The following CACNB2 variants were observed in gnomAD, a reference collection of about 807,000 sequenced individuals.
The protein encoded by CACNB2 is voltage-dependent L-type calcium channel subunit beta-2.
Under a neutral mutation model 73.3 loss-of-function variants are expected in CACNB2, and 42 were observed. The observed-to-expected ratio is 0.57, with a 90% CI of 0.45 to 0.74. The LOEUF (loss-of-function observed/expected upper bound fraction) is 0.74, where lower values mean the gene tolerates loss of function less well. CACNB2 is among the 30% of genes least tolerant of loss of function. The pLI is 0.00. For missense variants in CACNB2, 940 were observed against 853.0 expected (o/e 1.10, Z -1.27); for synonymous variants, 348 against 310.3 (o/e 1.12, Z -1.28).
intron 2 of CACNB2, among the ~76,000 whole-genome samples, chr10:18,296,139 G>A (rs191913152): frequency 6.6e-6 from 1 of 150,890 alleles, no homozygotes; most frequent in Non-Finnish European, 1.5e-5. Context: ...TGATATGCAG[G>A]TTTCACTGCA....
At chr10:18,534,039 A>G (rs2053318621) in intron 10 of CACNB2, 37 bp from the exon 11 acceptor site, 3 of 1,611,114 alleles carry the variant, frequency 1.9e-6, no homozygotes, top group Non-Finnish European at 2.5e-6. Context: ...TATCTTAAAA[A>G]TACTGCACTT....
rs1246180571 is a variant in CACNB2 at position 18,341,013 on chromosome 10, G to A, written c.214-60911G>A. On this transcript the variant is annotated intron_variant, in intron 2 of 13. Coordinates refer to ENST00000324631, the MANE Select transcript of CACNB2 (RefSeq NM_201596.3). ...GGGAGAGAAGCCGGCCAGATGCACGGTGCGGTTTAAAGAAAACAGGAATGC... is the reference window on the plus strand; with the variant it reads ...GGGAGAGAAGCCGGCCAGATGCACGATGCGGTTTAAAGAAAACAGGAATGC... The A allele has an allele frequency of 2.5e-6, 4 of 1,607,550 alleles. No homozygotes were observed. The Admixed American group carries it at 6.7e-5, about 27-fold the overall frequency.
At chr10:18,276,499 A>G (rs1406396402) in intron 2 of CACNB2, among the ~76,000 whole-genome samples, 1 of 152,186 alleles carries the variant, frequency 6.6e-6, no homozygotes, top group African/African-American at 2.4e-5. Flanking sequence ...AGATTACCAT[A>G]TGAGAATTAA....
intron 2 of CACNB2, among the ~76,000 whole-genome samples, chr10:18,395,049 G>A (rs1244133008): frequency 6.6e-6 from 1 of 152,182 alleles, no homozygotes; most frequent in Non-Finnish European, 1.5e-5. Flanking sequence ...TGTTGATGGA[G>A]TCTCACATGT....
intron 3 of CACNB2, among the ~76,000 whole-genome samples, chr10:18,446,511 G>C (rs1467320394): frequency 6.6e-6 from 1 of 152,118 alleles, no homozygotes; most frequent in Admixed American, 6.5e-5. Flanking sequence ...AATCAATGAG[G>C]CTGGACAAAT....
chr10:18,199,837 C>T (rs190716394), intron 2 of CACNB2, among the ~76,000 whole-genome samples: 40 of 152,022 alleles, frequency 2.6e-4, no homozygotes, highest in Non-Finnish European at 2.8e-4. Flanking sequence ...GTGATGGTAG[C>T]TTGGTCTAGA....
chr10:18,321,108 G>A (rs1461277100), intron 2 of CACNB2, among the ~76,000 whole-genome samples: 2 of 152,176 alleles, frequency 1.3e-5, no homozygotes, highest in Non-Finnish European at 1.5e-5. Flanking sequence ...ACAGAGAATT[G>A]AGAAAGCAGA....
chr10:18,168,640 G>A (rs1338687241), intron 2 of CACNB2, among the ~76,000 whole-genome samples: 2 of 151,956 alleles, frequency 1.3e-5, no homozygotes, highest in Non-Finnish European at 2.9e-5. Flanking sequence ...CATCCATTTT[G>A]TCCATTAAAT....
chr10:18,519,636 T>C (rs983204838), intron 9 of CACNB2: 1 of 447,600 alleles, frequency 2.2e-6, no homozygotes, highest in African/African-American at 2.0e-5. Flanking sequence ...GGAAACTCCA[T>C]CACCATGTAA....
At chr10:18,341,495 G>A (rs577705892) in intron 2 of CACNB2, among the ~76,000 whole-genome samples, 1 of 152,260 alleles carries the variant, frequency 6.6e-6, no homozygotes, top group East Asian at 1.9e-4. Flanking sequence ...TTTGCCACAC[G>A]AGGACTGACT....
chr10:18,411,563 T>C (rs1174202697), intron 3 of CACNB2, among the ~76,000 whole-genome samples: 2 of 149,180 alleles, frequency 1.3e-5, no homozygotes, highest in Non-Finnish European at 3.0e-5. Flanking sequence ...GGCTGGAGTG[T>C]AGTGCCACCA....
chr10:18,334,288 A>C (rs1452876100), intron 2 of CACNB2, among the ~76,000 whole-genome samples: 1 of 152,114 alleles, frequency 6.6e-6, no homozygotes, highest in African/African-American at 2.4e-5. Flanking sequence ...CTGCAATCTG[A>C]CACCCAGCTA....
chr10:18,361,744 C>T (rs925725952), intron 2 of CACNB2, among the ~76,000 whole-genome samples: 3 of 151,456 alleles, frequency 2.0e-5, no homozygotes, highest in Admixed American at 6.6e-5. Context: ...TCCTGAATAG[C>T]GGGGATTACA....
intron 2 of CACNB2, among the ~76,000 whole-genome samples, chr10:18,211,145 A>C (rs1194197582): frequency 6.6e-6 from 1 of 152,146 alleles, no homozygotes; most frequent in Non-Finnish European, 1.5e-5. Flanking sequence ...AGGGCTATGC[A>C]GTAAGTTGAT....
At chr10:18,259,228 C>T (rs924872926) in intron 2 of CACNB2, among the ~76,000 whole-genome samples, 2 of 152,030 alleles carry the variant, frequency 1.3e-5, no homozygotes, top group South Asian at 4.1e-4. Context: ...CCTCTATCAA[C>T]CTCTTAGACT....
At chr10:18,308,450 C>T (rs934713056) in intron 2 of CACNB2, among the ~76,000 whole-genome samples, 2 of 152,198 alleles carry the variant, frequency 1.3e-5, no homozygotes, top group African/African-American at 4.8e-5. Context: ...TTTCAATCCT[C>T]ACTCTCCTCC....
At chr10:18,415,467 TAAAA>T (rs11337812) in intron 3 of CACNB2, among the ~76,000 whole-genome samples, 2 of 142,812 alleles carry the variant, frequency 1.4e-5, no homozygotes, top group East Asian at 2.0e-4. Flanking sequence ...CCTTGTCTCT[TAAAA>T]AAAAAAAAAC....
intron 2 of CACNB2, among the ~76,000 whole-genome samples, chr10:18,269,006 A>G (rs570821447): frequency 1.3e-5 from 2 of 152,260 alleles, no homozygotes; most frequent in Non-Finnish European, 1.5e-5. Flanking sequence ...TCTGGCCTTC[A>G]TGAGATGTTA....
rs556186478 is a variant in CACNB2 at position 18,286,272 on chromosome 10, T to C, written c.214-115652T>C. On this transcript the variant is annotated intron_variant, in intron 2 of 13. Coordinates refer to ENST00000324631, the MANE Select transcript of CACNB2 (RefSeq NM_201596.3). ...TGGCTCACGCCTGTAATCCCAGCAC[T>C]TTGGGAGGCCAAGGCGGGCGGATCA... Among the ~76,000 whole-genome samples the C allele has an allele frequency of 1.8e-3, 267 of 152,192 alleles. 1 individual carries two copies. Among genetic ancestry groups the C allele is most frequent in the Admixed American group, 4.3e-3 (65 of 15,292 alleles).
Sources: allele counts gnomAD v4.1 joint callset (sites outside exome capture counted in the v4.1 genomes callset), GRCh38; gene constraint gnomAD v4.1.1; transcripts MANE v1.5; gene names NCBI Gene and HGNC (gene_info 2026-07-23, HGNC 2026-07-21).